Variants in SOWAHC observed in about 807,000 individuals in gnomAD.
The protein encoded by SOWAHC is sosondowah ankyrin repeat domain family member C.
Under a neutral mutation model 14.4 loss-of-function variants are expected in SOWAHC, and 12 were observed. That is an observed-to-expected ratio of 0.83 (90% CI 0.53 to 1.35). The LOEUF (loss-of-function observed/expected upper bound fraction) is 1.35. SOWAHC is among the 40% of genes most tolerant of loss of function. The pLI, the probability that SOWAHC is intolerant of heterozygous loss-of-function variation, is 0.00. For synonymous variants in SOWAHC, 398 were observed against 347.0 expected (o/e 1.15, Z -1.63); for missense variants, 771 against 752.8 (o/e 1.02, Z -0.28).
Position 109,616,209 on chromosome 2 carries a change from T to C in SOWAHC, c.*142T>C. On this transcript the variant is annotated 3_prime_UTR_variant, in exon 1 of 1. Coordinates refer to ENST00000356454, the MANE Select transcript of SOWAHC (RefSeq NM_023016.4). ...TCGGAATGGATGGGGCGGAGTTCTC[T>C]TCAGGCTAGCCTTCTGGGAAAAGTG... The C allele has an allele frequency of 1.5e-6, 2 of 1,292,014 alleles. No individual in the cohort carries two copies. The highest frequency in any genetic ancestry group is 1.0e-6 in the Non-Finnish European group (1 of 1,001,852). The allele number at this position is 1,292,014 out of a possible 1,614,324, so 80.0% of individuals were successfully genotyped here.
Position 109,617,595 on chromosome 2 carries a change from TA to T in SOWAHC, c.*1530del, listed in dbSNP as rs1450951909. 1 of 166,994 alleles carries T rather than the reference TA, an allele frequency of 6.0e-6. No homozygotes were observed. Among genetic ancestry groups the T allele is most frequent in the Non-Finnish European group, 1.5e-5 (1 of 68,128 alleles). 10.3% of individuals were successfully genotyped at this position (166,994 alleles called of 1,614,324 possible). A position where few individuals can be genotyped will look rare whatever the true frequency, so the allele number is the denominator to read the frequency against. The stretch of plus-strand genomic sequence containing the variant: ...ACCTAAGTACCTGCAGCCTACAGGA[TA>T]AGGAAGTTCACAGCCTGCGGGGTGA... On this transcript the variant is annotated 3_prime_UTR_variant, in exon 1 of 1. Coordinates refer to ENST00000356454, the MANE Select transcript of SOWAHC (RefSeq NM_023016.4).
Position 109,616,357 on chromosome 2 carries a change from G to T in SOWAHC, c.*290G>T. ...TCTAAATTGGGGGAACAGAATGAAT[G>T]AATTAATGAATGAGAGTTCCTTTGC... On this transcript the variant is annotated 3_prime_UTR_variant, in exon 1 of 1. Transcript: ENST00000356454. 3.9e-6 allele frequency: 1 copy of T among 255,134 alleles called. No individual in the cohort carries two copies. Among genetic ancestry groups the T allele is most frequent in the Non-Finnish European group, 7.8e-6 (1 of 128,066 alleles). The allele number at this position is 255,134 out of a possible 1,614,324, so 15.8% of individuals were successfully genotyped here.
chr2:109,615,869 C>A lies in SOWAHC; in HGVS notation c.1380C>A (p.Ala460=). 1 of 1,613,894 alleles carries A rather than the reference C, an allele frequency of 6.2e-7. No homozygotes were observed. The change falls in exon 1 of 1, where the codon GCC becomes GCA. Residue 460 remains alanine, a synonymous_variant. Transcript: ENST00000356454. ...AAGCCAAGGATCCAGGGCGCAAAGC[C>A]TCGGGCAGCTCTAGTGGACGTATAA... ...GGKAKDPGRK[A]SGSSSGRIKP... is the part of the protein sequence containing the mutation.
At position 109,616,127 on chromosome 2, in the gene SOWAHC, G is replaced by A. The variant is rs1199876173; in HGVS notation, c.*60G>A. On this transcript the variant is annotated 3_prime_UTR_variant, in exon 1 of 1. Coordinates refer to ENST00000356454, the MANE Select transcript of SOWAHC (RefSeq NM_023016.4). ...TGTCTTAATAAATTGAATACTAGGTGTTGTAAGGAAGTGAGACCAGAAGGA... is the reference window on the plus strand; with the variant it reads ...TGTCTTAATAAATTGAATACTAGGTATTGTAAGGAAGTGAGACCAGAAGGA... 2.8e-6 allele frequency: 4 copies of A among 1,428,556 alleles called. No individual in the cohort carries two copies. Among genetic ancestry groups the A allele is most frequent in the South Asian group, 1.7e-5 (1 of 59,622 alleles). 88.5% of individuals were successfully genotyped at this position (1,428,556 alleles called of 1,614,324 possible).
In SOWAHC at chr2:109,615,178, C is replaced by T. The variant is rs764463858; in HGVS notation, c.689C>T (p.Ser230Phe). ...CCCGGGGGCAGCAGCCCGGGCAGCT[C>T]CTCCGGGGGAGGACGCGGCAGAGGC... ...VCPGGSSPGSSSGGGRGRGGG... is the reference protein window; with the variant it reads ...VCPGGSSPGSFSGGGRGRGGG... Residue 230 changes from serine to phenylalanine, a missense_variant, in exon 1 of 1, where the codon TCC becomes TTC. Coordinates refer to ENST00000356454, the MANE Select transcript of SOWAHC (RefSeq NM_023016.4). 78 of 1,548,784 alleles carry T rather than the reference C, an allele frequency of 5.0e-5. No homozygotes were observed. Among genetic ancestry groups the T allele is most frequent in the Non-Finnish European group, 6.5e-5 (75 of 1,146,700 alleles).
Position 109,614,694 on chromosome 2 carries a change from G to T in SOWAHC, c.205G>T (p.Asp69Tyr), listed in dbSNP as rs1167319377. ...GAACGCCGTGGCCACTGTGCGCGTC[G>T]ATCCCGCCGACGGCGCCAAGTACGT... ...LVNAVATVRV[D>Y]PADGAKYVHL... Residue 69 changes from aspartate to tyrosine, a missense_variant, in exon 1 of 1, where the codon GAT (aspartate) becomes TAT (tyrosine). Transcript: ENST00000356454. 2.0e-6 allele frequency: 3 copies of T among 1,487,936 alleles called. No individual in the cohort carries two copies. Among genetic ancestry groups the T allele is most frequent in the African/African-American group, 1.5e-5 (1 of 68,624 alleles). 92.2% of individuals were successfully genotyped at this position (1,487,936 alleles called of 1,614,324 possible).
In SOWAHC at chr2:109,616,134, G is replaced by A. The variant is rs1700147660; in HGVS notation, c.*67G>A. 11 of 1,420,476 alleles carry A rather than the reference G, an allele frequency of 7.7e-6. No homozygotes were observed. The highest frequency in any genetic ancestry group is 1.0e-5 in the Non-Finnish European group (11 of 1,087,606). 88.0% of individuals were successfully genotyped at this position (1,420,476 alleles called of 1,614,324 possible). ...ATAAATTGAATACTAGGTGTTGTAA[G>A]GAAGTGAGACCAGAAGGACAAGCTA... On this transcript the variant is annotated 3_prime_UTR_variant, in exon 1 of 1. Transcript: ENST00000356454.
Position 109,616,361 on chromosome 2 carries a change from T to TG in SOWAHC, c.*294_*295insG, listed in dbSNP as rs1558942263. The TG allele has an allele frequency of 8.3e-4, 196 of 237,256 alleles. 1 individual carries two copies. The highest frequency in any genetic ancestry group is 2.7e-4 in the Non-Finnish European group (32 of 116,484). 14.7% of individuals were successfully genotyped at this position (237,256 alleles called of 1,614,324 possible). Reference sequence around the variant, plus strand: ...AATTGGGGGAACAGAATGAATGAATTAATGAATGAGAGTTCCTTTGCTTTA... The same window carrying TG: ...AATTGGGGGAACAGAATGAATGAATTGAATGAATGAGAGTTCCTTTGCTTTA... On this transcript the variant is annotated 3_prime_UTR_variant, in exon 1 of 1. Transcript: ENST00000356454.
Position 109,614,699 on chromosome 2 carries a change from C to A in SOWAHC, c.210C>A (p.Pro70=). ...CCGTGGCCACTGTGCGCGTCGATCC[C>A]GCCGACGGCGCCAAGTACGTGCACC... The part of the protein sequence containing the change: ...VNAVATVRVD[P]ADGAKYVHLK... Residue 70 remains proline, a synonymous_variant, in exon 1 of 1, where the codon CCC becomes CCA. Coordinates refer to ENST00000356454, the MANE Select transcript of SOWAHC (RefSeq NM_023016.4). 1.3e-6 allele frequency: 2 copies of A among 1,488,556 alleles called. No homozygotes were observed. The highest frequency in any genetic ancestry group is 1.8e-6 in the Non-Finnish European group (2 of 1,123,884). The allele number at this position is 1,488,556 out of a possible 1,614,324, so 92.2% of individuals were successfully genotyped here.
chr2:109,616,484 C>G lies in SOWAHC; in HGVS notation c.*417C>G. On this transcript the variant is annotated 3_prime_UTR_variant, in exon 1 of 1. Transcript: ENST00000356454. ...TTCAAGAGTAACAAAAAAATGCAAA[C>G]TGTAATGAAACTACATTGTATTTCT... 1 of 168,292 alleles carries G rather than the reference C, an allele frequency of 5.9e-6. No individual in the cohort carries two copies. The allele number at this position is 168,292 out of a possible 1,614,324, so 10.4% of individuals were successfully genotyped here.
chr2:109,615,363 G>A lies in SOWAHC; in HGVS notation c.874G>A (p.Gly292Ser). The A allele has an allele frequency of 6.2e-7, 1 of 1,612,894 alleles. No individual in the cohort carries two copies. The highest frequency in any genetic ancestry group is 8.5e-7 in the Non-Finnish European group (1 of 1,179,988). The stretch of plus-strand genomic sequence containing the variant: ...GGAGGGCTTGCTCACCTGCGAGCCC[G>A]GCCTGCTGGTCAAGCGGGACTTCAT... ...SLEGLLTCEP[G>S]LLVKRDFITG... The change falls in exon 1 of 1, where the codon GGC (glycine) becomes AGC (serine). Residue 292 changes from glycine to serine, a missense_variant. Coordinates refer to ENST00000356454, the MANE Select transcript of SOWAHC (RefSeq NM_023016.4).
rs374275164 is a variant in SOWAHC at position 109,615,587 on chromosome 2, C to A, written c.1098C>A (p.Ala366=). ...AGCTGCTGGTGGGGGCCTACGACGC[C>A]GATGTGGACATCAGGGACTACAGTG... The part of the protein sequence containing the change: ...VVKLLVGAYD[A]DVDIRDYSGK... The change falls in exon 1 of 1, where the codon GCC becomes GCA. Residue 366 remains alanine (A), a synonymous_variant. Coordinates refer to ENST00000356454, the MANE Select transcript of SOWAHC (RefSeq NM_023016.4). 1.3e-5 allele frequency: 21 copies of A among 1,613,536 alleles called. No homozygotes were observed. Among genetic ancestry groups the A allele is most frequent in the Non-Finnish European group, 1.6e-5 (19 of 1,179,660 alleles).
rs1446230976 is a variant in SOWAHC at position 109,614,516 on chromosome 2, C to G, written c.27C>G (p.Pro9=). The change falls in exon 1 of 1, where the codon CCC becomes CCG. Residue 9 remains proline (P), a synonymous_variant. Transcript: ENST00000356454. The part of the protein sequence containing the change: MEGPAEWG[P]EAALGPEAVL... ...TGGAGGGGCCGGCAGAGTGGGGCCC[C>G]GAGGCGGCGCTGGGCCCCGAGGCGG... is the stretch of plus-strand genomic sequence containing the variant. 6.3e-6 allele frequency: 8 copies of G among 1,260,778 alleles called. No homozygotes were observed. Among genetic ancestry groups the G allele is most frequent in the Non-Finnish European group, 7.9e-6 (8 of 1,009,184 alleles). 78.1% of individuals were successfully genotyped at this position (1,260,778 alleles called of 1,614,324 possible).
chr2:109,614,722 A>T lies in SOWAHC; in HGVS notation c.233A>T (p.His78Leu), dbSNP rs1469355615. 1 of 1,488,350 alleles carries T rather than the reference A, an allele frequency of 6.7e-7. No homozygotes were observed. Among genetic ancestry groups the T allele is most frequent in the African/African-American group, 1.5e-5 (1 of 68,488 alleles). 92.2% of individuals were successfully genotyped at this position (1,488,350 alleles called of 1,614,324 possible). A position where few individuals can be genotyped will look rare whatever the true frequency, so the allele number is the denominator to read the frequency against. The change falls in exon 1 of 1, where the codon CAC becomes CTC. Residue 78 changes from histidine to leucine, a missense_variant. Physicochemically the swap from His to Leu is moderately conservative, Grantham distance 99 (BLOSUM62 -3). Transcript: ENST00000356454. ...VDPADGAKYV[H>L]LKKRFCEGPS... ...CCCGCCGACGGCGCCAAGTACGTGCACCTCAAGAAGAGGTTCTGTGAAGGG... is the reference window on the plus strand; with the variant it reads ...CCCGCCGACGGCGCCAAGTACGTGCTCCTCAAGAAGAGGTTCTGTGAAGGG...
rs1700180254 is a variant in SOWAHC at position 109,618,775 on chromosome 2, G to A, written c.*2708G>A. Reference sequence around the variant, plus strand: ...AGTATGTCCATGTGTTTCTTATAAGGTACACTTGAAACTAGTGAGTGTTTG... The same window carrying A: ...AGTATGTCCATGTGTTTCTTATAAGATACACTTGAAACTAGTGAGTGTTTG... On this transcript the variant is annotated 3_prime_UTR_variant, in exon 1 of 1. Transcript: ENST00000356454. The A allele has an allele frequency of 6.0e-6, 1 of 166,932 alleles. No individual in the cohort carries two copies. The highest frequency in any genetic ancestry group is 6.5e-5 in the Admixed American group (1 of 15,274). 10.3% of individuals were successfully genotyped at this position (166,932 alleles called of 1,614,324 possible). A position where few individuals can be genotyped will look rare whatever the true frequency, so the allele number is the denominator to read the frequency against.
rs1222023977 is a variant in SOWAHC at position 109,618,952 on chromosome 2, T to C, written c.*2885T>C. On this transcript the variant is annotated 3_prime_UTR_variant, in exon 1 of 1. Transcript: ENST00000356454. The stretch of plus-strand genomic sequence containing the variant: ...GAAATTTGGGAGATTGTAAAATCTG[T>C]AAAGTTTGTTTTGTGAAAATAAAAT... 2.4e-5 allele frequency: 4 copies of C among 167,112 alleles called. 1 individual carries two copies. Among genetic ancestry groups the C allele is most frequent in the South Asian group, 4.1e-4 (2 of 4,824 alleles). 10.4% of individuals were successfully genotyped at this position (167,112 alleles called of 1,614,324 possible).
At position 109,615,970 on chromosome 2, in the gene SOWAHC, C is replaced by T; in HGVS notation, c.1481C>T (p.Pro494Leu). ...TTPSFRDPEQ[P>L]LEGRGEEGVG... is the part of the protein sequence containing the mutation. ...CCCTCTTTCAGGGACCCAGAGCAGC[C>T]GCTGGAGGGCAGGGGGGAGGAGGGA... Residue 494 changes from proline (P) to leucine (L), a missense_variant, in exon 1 of 1, where the codon CCG becomes CTG. Coordinates refer to ENST00000356454, the MANE Select transcript of SOWAHC (RefSeq NM_023016.4). The T allele has an allele frequency of 6.4e-7, 1 of 1,573,896 alleles. No homozygotes were observed. The highest frequency in any genetic ancestry group is 1.8e-5 in the Admixed American group (1 of 54,312).
Position 109,615,002 on chromosome 2 carries a change from G to A in SOWAHC, c.513G>A (p.Gly171=). The A allele has an allele frequency of 1.3e-6, 2 of 1,543,974 alleles. No individual in the cohort carries two copies. The highest frequency in any genetic ancestry group is 1.2e-5 in the South Asian group (1 of 83,912). Residue 171 remains glycine (G), a synonymous_variant, in exon 1 of 1, where the codon GGG becomes GGA. Coordinates refer to ENST00000356454, the MANE Select transcript of SOWAHC (RefSeq NM_023016.4). The stretch of plus-strand genomic sequence containing the variant: ...CCCTACCGCGGACTCCAGCCCCGGG[G>A]CCCAGCGAGGACCTGGAGCTCCCGC... The part of the protein sequence containing the change: ...VQPLPRTPAP[G]PSEDLELPPH...
Position 109,614,512 on chromosome 2 carries a change from G to A in SOWAHC, c.23G>A (p.Gly8Asp). 1 of 1,260,170 alleles carries A rather than the reference G, an allele frequency of 7.9e-7. No individual in the cohort carries two copies. The highest frequency in any genetic ancestry group is 9.9e-7 in the Non-Finnish European group (1 of 1,008,652). The allele number at this position is 1,260,170 out of a possible 1,614,324, so 78.1% of individuals were successfully genotyped here. Residue 8 changes from glycine to aspartate, a missense_variant, in exon 1 of 1, where the codon GGC (glycine) becomes GAC (aspartate). Gly to Asp is a moderately conservative substitution (Grantham distance 94). Transcript: ENST00000356454. MEGPAEW[G>D]PEAALGPEAV... ...AGGATGGAGGGGCCGGCAGAGTGGG[G>A]CCCCGAGGCGGCGCTGGGCCCCGAG...
Sources: gnomAD v4.1 joint callset for allele counts on GRCh38, gnomAD v4.1.1 for gene constraint, MANE v1.5 for transcripts, NCBI Gene and HGNC (gene_info 2026-07-23, HGNC 2026-07-21) for gene names.